AMD1: variants seen among roughly 807,000 people sequenced by gnomAD.
AMD1 encodes the protein S-adenosylmethionine decarboxylase proenzyme.
A neutral mutation model predicts 40.2 loss-of-function variants in AMD1; 11 were observed. The observed-to-expected ratio is 0.27, with a 90% CI of 0.17 to 0.45. The LOEUF is 0.45. Ranked by LOEUF, AMD1 falls within the 20% of genes least tolerant of loss-of-function variation. The pLI is 1.00. For synonymous variants in AMD1, 121 were observed against 130.8 expected (o/e 0.93, Z 0.51); for missense variants, 257 against 410.2 (o/e 0.63, Z 3.23).
At position 110,880,784 on chromosome 6, in the gene AMD1, T is replaced by G. The variant is rs1346874399; in HGVS notation, c.110+5569T>G. Among the ~76,000 whole-genome samples, 4 of 152,180 alleles carry G rather than the reference T, an allele frequency of 2.6e-5. No homozygotes were observed. In the East Asian group the frequency reaches 5.8e-4, roughly 22 times the overall value. ...GCCTCCTGGGTTCAAGTGATTCTCC[T>G]GCCTCAGCCTCACGAGTAGCTGGGA... On this transcript the variant is annotated intron_variant, in intron 1 of 8. Coordinates refer to ENST00000368885, the MANE Select transcript of AMD1 (RefSeq NM_001634.6).
At chr6:110,862,349 TGGATAGAGTGC>T in the AMD1 span, among the ~76,000 whole-genome samples, 1 of 149,864 alleles carries the variant, frequency 6.7e-6, no homozygotes. Context: ...TTTTTTTTAA[TGGATAGAGTGC>T]TTTCTCTTAT....
chr6:110,879,286 C>G (rs112336271), intron 1 of AMD1, among the ~76,000 whole-genome samples: 1 of 152,106 alleles, frequency 6.6e-6, no homozygotes, highest in Non-Finnish European at 1.5e-5. Context: ...ATTGGGGGAT[C>G]GAGGCTGCAG....
At chr6:110,825,627 T>C in the AMD1 span, among the ~76,000 whole-genome samples, 2 of 152,218 alleles carry the variant, frequency 1.3e-5, no homozygotes, top group Admixed American at 6.5e-5. Flanking sequence ...TTACGCTTTC[T>C]AGTCTGCCAG....
the AMD1 span, among the ~76,000 whole-genome samples, chr6:110,819,568 C>T: frequency 1.3e-5 from 2 of 152,132 alleles, no homozygotes; most frequent in South Asian, 4.1e-4. Flanking sequence ...TTAGGAAACA[C>T]AGGAATGGGA....
chr6:110,890,221 C>CTTTTTTTTT, intron 3 of AMD1, 33 bp from the exon 4 acceptor site: 1 of 1,420,242 alleles, frequency 7.0e-7, no homozygotes, highest in Non-Finnish European at 9.6e-7. Context: ...CTAAAGTCAT[C>CTTTTTTTTT]TTTTTTTTTC....
chr6:110,870,555 T>G (rs1014845809), upstream of AMD1, among the ~76,000 whole-genome samples: 13 of 152,058 alleles, frequency 8.5e-5, no homozygotes, highest in African/African-American at 2.4e-4. Context: ...CCCGGGGAAG[T>G]TGAGGCAACA....
At chr6:110,856,523 G>A in the AMD1 span, 4 of 152,198 alleles carry the variant, frequency 2.6e-5, no homozygotes, top group East Asian at 3.9e-4. Flanking sequence ...CCATGTTAAG[G>A]GGGGGAAAAG....
chr6:110,851,119 A>G, the AMD1 span, among the ~76,000 whole-genome samples: 1 of 152,014 alleles, frequency 6.6e-6, no homozygotes. Flanking sequence ...ATGTGCCACC[A>G]TGCTCGGCTA....
chr6:110,818,224 T>TATATAG, the AMD1 span, among the ~76,000 whole-genome samples: 2 of 151,688 alleles, frequency 1.3e-5, no homozygotes, highest in Non-Finnish European at 1.5e-5. Context: ...AACCCAGGAG[T>TATATAG]ATAGATACAA....
At chr6:110,855,775 A>C in the AMD1 span, among the ~76,000 whole-genome samples, 2 of 152,174 alleles carry the variant, frequency 1.3e-5, no homozygotes, top group Admixed American at 6.6e-5. Flanking sequence ...AAGGTATCCT[A>C]ACCCAACTTA....
At chr6:110,849,524 T>A in the AMD1 span, among the ~76,000 whole-genome samples, 1 of 152,170 alleles carries the variant, frequency 6.6e-6, no homozygotes, top group Non-Finnish European at 1.5e-5. Context: ...GGATCTAAAG[T>A]CACCTTGATG....
At chr6:110,859,028 G>C in the AMD1 span, 1 of 1,227,060 alleles carries the variant, frequency 8.1e-7, no homozygotes, top group Admixed American at 1.7e-5. Flanking sequence ...TGGGCCGGCA[G>C]ATACATGACC....
the AMD1 span, among the ~76,000 whole-genome samples, chr6:110,862,754 G>A: frequency 6.6e-6 from 1 of 152,070 alleles, no homozygotes; most frequent in Non-Finnish European, 1.5e-5. Context: ...ACAGGCGTGA[G>A]CCACTGCACT....
At chr6:110,847,010 A>G in the AMD1 span, among the ~76,000 whole-genome samples, 1 of 151,936 alleles carries the variant, frequency 6.6e-6, no homozygotes, top group Non-Finnish European at 1.5e-5. Flanking sequence ...CATGCATATC[A>G]ATTAGGATTC....
the AMD1 span, among the ~76,000 whole-genome samples, chr6:110,824,738 A>C: frequency 6.6e-6 from 1 of 152,194 alleles, no homozygotes; most frequent in African/African-American, 2.4e-5. Context: ...AAAAAAAAGC[A>C]CTGAAGGTAA....
At chr6:110,868,388 A>C in the AMD1 span, among the ~76,000 whole-genome samples, 1 of 151,964 alleles carries the variant, frequency 6.6e-6, no homozygotes, top group South Asian at 2.1e-4. Context: ...TGACCTCATG[A>C]TCTGCCTGCC....
rs1426601140 is a variant in AMD1 at position 110,892,981 on chromosome 6, T to G, written c.780T>G (p.Ser260Arg). 6.2e-7 allele frequency: 1 copy of G among 1,614,046 alleles called. No homozygotes were observed. Among genetic ancestry groups the G allele is most frequent in the Admixed American group, 1.7e-5 (1 of 60,022 alleles). Residue 260 changes from serine to arginine, a missense_variant, in exon 8 of 9, where the codon AGT becomes AGG. Around this residue, in one of 3 missense-constraint regions of AMD1, gnomAD observed 192 missense variants for 296.5 expected, o/e 0.65. Coordinates refer to ENST00000368885, the MANE Select transcript of AMD1 (RefSeq NM_001634.6). ...FSYVSFETNLSQTSYDDLIRK... is the reference protein window; with the variant it reads ...FSYVSFETNLRQTSYDDLIRK... ...ATGTTAGCTTTGAAACAAACTTAAG[T>G]CAGACCTCCTATGATGACCTGATCA... is the stretch of plus-strand genomic sequence containing the variant.
the AMD1 span, among the ~76,000 whole-genome samples, chr6:110,818,833 G>T: frequency 1.3e-5 from 2 of 152,146 alleles, no homozygotes; most frequent in East Asian, 3.9e-4. Flanking sequence ...CCTAATTCCT[G>T]TATTATTTTA....
chr6:110,864,552 T>C, the AMD1 span: 19 of 152,400 alleles, frequency 1.2e-4, no homozygotes, highest in Admixed American at 5.9e-4. Flanking sequence ...TAATTGAATT[T>C]GTATAAATAT....
Sources: gnomAD v4.1 joint callset for allele counts (sites outside exome capture counted in the v4.1 genomes callset) on GRCh38, gnomAD v4.1.1 for gene constraint, gnomAD v4.1.1 regional missense constraint, MANE v1.5 for transcripts, NCBI Gene and HGNC (gene_info 2026-07-23, HGNC 2026-07-21) for gene names.